The following DAB1 variants were observed in gnomAD, a reference collection of about 807,000 sequenced individuals.
The protein encoded by DAB1 is disabled homolog 1.
A neutral mutation model predicts 64.6 loss-of-function variants in DAB1; 15 were observed. The ratio of observed to expected loss-of-function variants is 0.23; its 90% confidence interval spans 0.16 to 0.36. DAB1 has a LOEUF of 0.36. DAB1 is among the 10% of genes least tolerant of loss of function. The probability of loss-of-function intolerance (pLI) is 1.00; values close to 1 mark genes in which losing one functional copy is unlikely to be tolerated. For synonymous variants in DAB1, 235 were observed against 251.9 expected, an observed-to-expected ratio of 0.93 and a Z score of 0.64; for missense variants, 596 against 706.7, an observed-to-expected ratio of 0.84 and a Z score of 1.78.
chr1:58,363,854 G>C (rs1644190586), intron 3 of DAB1, among the ~76,000 whole-genome samples: 1 of 121,348 alleles, frequency 8.2e-6, no homozygotes, highest in Admixed American at 8.0e-5. Flanking sequence ...GGGAGCCTCA[G>C]GGGGAGCCCT....
intron 14 of DAB1, among the ~76,000 whole-genome samples, chr1:57,008,737 G>A (rs544348337): frequency 3.0e-4 from 45 of 152,264 alleles, no homozygotes; most frequent in African/African-American, 1.1e-3. Context: ...CTCAGTGTCT[G>A]TCTCTGCGCT....
intron 5 of DAB1, among the ~76,000 whole-genome samples, chr1:57,937,382 G>A (rs903794982): frequency 6.6e-6 from 1 of 152,042 alleles, no homozygotes; most frequent in African/African-American, 2.4e-5. Flanking sequence ...TTTACTAGAC[G>A]ATGAAAAGCC....
In DAB1 at chr1:57,170,100, G is replaced by A. The variant is rs61767497; in HGVS notation, c.68-24671C>T. ...CAACCTCTGCATCCCAGGTTCAAGC[G>A]ATTCTCCTGCTTCAGCCTCCTGAGT... On this transcript the variant is annotated intron_variant, in intron 2 of 14. Transcript: ENST00000371236. Among the ~76,000 whole-genome samples, 1,284 of 151,578 alleles carry A rather than the reference G, an allele frequency of 8.5e-3. 28 individuals carry two copies. Among genetic ancestry groups the A allele is most frequent in the East Asian group, 0.079 (404 of 5,140 alleles).
At chr1:58,196,160 G>A (rs189109023) in intron 4 of DAB1, among the ~76,000 whole-genome samples, 1 of 152,152 alleles carries the variant, frequency 6.6e-6, no homozygotes, top group Non-Finnish European at 1.5e-5. Context: ...TCAACCAGCA[G>A]ATGGAAATGC....
At chr1:57,788,586 T>G (rs565159056) in intron 6 of DAB1, among the ~76,000 whole-genome samples, 1 of 152,248 alleles carries the variant, frequency 6.6e-6, no homozygotes, top group South Asian at 2.1e-4. Flanking sequence ...CAAAAGTTAT[T>G]CTATGTATTT....
intron 1 of DAB1, among the ~76,000 whole-genome samples, chr1:57,849,439 G>C (rs986296115): frequency 2.0e-5 from 3 of 152,168 alleles, no homozygotes; most frequent in African/African-American, 7.2e-5. Context: ...ATAAAGCAAA[G>C]AGAGAGGCCA....
chr1:57,638,803 T>A (rs1307834303), intron 7 of DAB1, among the ~76,000 whole-genome samples: 1 of 151,936 alleles, frequency 6.6e-6, no homozygotes, highest in East Asian at 1.9e-4. Context: ...CTTGTAACAG[T>A]CATAGGTAAT....
chr1:57,590,989 A>G (rs1001445195), intron 7 of DAB1, among the ~76,000 whole-genome samples: 3 of 152,160 alleles, frequency 2.0e-5, no homozygotes, highest in Admixed American at 1.3e-4. Flanking sequence ...AGAGCCAAGA[A>G]TTTATTTTTT....
intron 6 of DAB1, among the ~76,000 whole-genome samples, chr1:57,774,460 A>G (rs1569640031): frequency 6.6e-6 from 1 of 151,752 alleles, no homozygotes; most frequent in Non-Finnish European, 1.5e-5. Context: ...CAGTTCCAGT[A>G]CAATGTTGAA....
At chr1:57,080,426 A>G (rs1026092703) in intron 4 of DAB1, among the ~76,000 whole-genome samples, 1 of 152,146 alleles carries the variant, frequency 6.6e-6, no homozygotes, top group African/African-American at 2.4e-5. Context: ...GTAAATACTC[A>G]TGTCCTCTTT....
At chr1:58,313,835 G>GTA (rs1257761557) in intron 4 of DAB1, among the ~76,000 whole-genome samples, 3 of 139,856 alleles carry the variant, frequency 2.1e-5, no homozygotes, top group Non-Finnish European at 3.0e-5. Flanking sequence ...GTGTGTGTGT[G>GTA]TGTGTGTGTG....
intron 2 of DAB1, among the ~76,000 whole-genome samples, chr1:57,230,741 T>A (rs1288607713): frequency 6.6e-6 from 1 of 152,184 alleles, no homozygotes; most frequent in Non-Finnish European, 1.5e-5. Flanking sequence ...ACCTCAAATA[T>A]TTATCTTTGT....
intron 5 of DAB1, among the ~76,000 whole-genome samples, chr1:58,072,243 A>G (rs1227657711): frequency 6.6e-6 from 1 of 152,164 alleles, no homozygotes; most frequent in Non-Finnish European, 1.5e-5. Flanking sequence ...AAAGACAAAT[A>G]TTGCCATAAT....
intron 7 of DAB1, among the ~76,000 whole-genome samples, chr1:57,582,100 A>T (rs1019417235): frequency 1.3e-5 from 2 of 151,870 alleles, no homozygotes; most frequent in African/African-American, 4.8e-5. Flanking sequence ...TTACCATGGG[A>T]CTCTACCCTC....
At chr1:58,517,859 CTGGTCAA>C (rs1646181532) in intron 2 of DAB1, among the ~76,000 whole-genome samples, 1 of 151,766 alleles carries the variant, frequency 6.6e-6, no homozygotes, top group South Asian at 2.1e-4. Context: ...GAGGAAAATT[CTGGTCAA>C]TGTCTTCTTA....
chr1:57,062,261 C>T (rs989055057), intron 9 of DAB1, among the ~76,000 whole-genome samples: 1 of 152,140 alleles, frequency 6.6e-6, no homozygotes, highest in Non-Finnish European at 1.5e-5. Context: ...AAGCCCATTG[C>T]ATATGACCTT....
chr1:58,358,237 A>G (rs1326079375), intron 3 of DAB1, among the ~76,000 whole-genome samples: 1 of 152,226 alleles, frequency 6.6e-6, no homozygotes, highest in African/African-American at 2.4e-5. Flanking sequence ...GGATGAGAAC[A>G]GTCGGGGAGT....
At chr1:57,929,070 G>T (rs1164408870) in intron 5 of DAB1, among the ~76,000 whole-genome samples, 1 of 152,202 alleles carries the variant, frequency 6.6e-6, no homozygotes, top group Admixed American at 6.5e-5. Flanking sequence ...ATAAATGAGA[G>T]TTTTTGTTGT....
intron 3 of DAB1, among the ~76,000 whole-genome samples, chr1:58,350,413 T>G (rs901881681): frequency 6.6e-6 from 1 of 152,214 alleles, no homozygotes; most frequent in African/African-American, 2.4e-5. Flanking sequence ...AGGTTGCCTA[T>G]TCACTCTGAT....
Sources: gnomAD v4.1 joint callset for allele counts (sites outside exome capture counted in the v4.1 genomes callset) on GRCh38, gnomAD v4.1.1 for gene constraint, MANE v1.5 for transcripts, NCBI Gene and HGNC (gene_info 2026-07-23, HGNC 2026-07-21) for gene names.